ELAVL2: variants seen among roughly 807,000 people sequenced by gnomAD.
The protein encoded by ELAVL2 is ELAV like RNA binding protein 2, also known as ELAV-like protein 2.
A neutral mutation model predicts 34.6 loss-of-function variants in ELAVL2; 4 were observed. That is an observed-to-expected ratio of 0.12 (90% CI 0.06 to 0.26). ELAVL2 has a LOEUF of 0.26. Among genes scored for constraint, ELAVL2 ranks in the 10% least tolerant of loss-of-function variants. The probability of loss-of-function intolerance (pLI) is 1.00; values close to 1 mark genes in which losing one functional copy is unlikely to be tolerated. For missense variants in ELAVL2, 432 were observed against 442.8 expected, an observed-to-expected ratio of 0.98 and a Z score of 0.22; for synonymous variants, 193 against 154.8, an observed-to-expected ratio of 1.25 and a Z score of -1.83.
chr9:23,786,798 AAAAAAGAG>A (rs1436198602), intron 1 of ELAVL2, among the ~76,000 whole-genome samples: 1 of 150,038 alleles, frequency 6.7e-6, no homozygotes, highest in Non-Finnish European at 1.5e-5. Context: ...AAAAAAAAAA[AAAAAAGAG>A]AGAGAGAGAA....
chr9:23,822,753 C>G (rs1478982252), intron 1 of ELAVL2, among the ~76,000 whole-genome samples: 2 of 152,220 alleles, frequency 1.3e-5, no homozygotes, highest in Non-Finnish European at 2.9e-5. Context: ...AAAAAATCAC[C>G]TGTCATACCT....
At chr9:23,794,660 C>T (rs2060699435) in intron 1 of ELAVL2, among the ~76,000 whole-genome samples, 1 of 152,152 alleles carries the variant, frequency 6.6e-6, no homozygotes, top group African/African-American at 2.4e-5. Context: ...ATTAAAATTA[C>T]ACAAAGCTTG....
At chr9:23,764,226 AAGAGACCCGAATGGGAGATTC>A (rs1289684060) in intron 1 of ELAVL2, among the ~76,000 whole-genome samples, 1 of 152,168 alleles carries the variant, frequency 6.6e-6, no homozygotes, top group Non-Finnish European at 1.5e-5. Flanking sequence ...TAGAAACTAC[AAGAGACCCGAATGGGAGATTC>A]GGACTAAAGC....
the ELAVL2 span, among the ~76,000 whole-genome samples, chr9:23,842,001 A>G: frequency 6.6e-6 from 1 of 152,196 alleles, no homozygotes; most frequent in Non-Finnish European, 1.5e-5. Flanking sequence ...AACTTCAAAA[A>G]GTGAAATTGC....
At chr9:23,753,926 C>G (rs1400388330) in intron 2 of ELAVL2, among the ~76,000 whole-genome samples, 1 of 152,106 alleles carries the variant, frequency 6.6e-6, no homozygotes, top group African/African-American at 2.4e-5. Context: ...ATCAAACCAG[C>G]AAAGCAACAA....
chr9:23,731,226 T>C, intron 2 of ELAVL2, 101 bp from the exon 3 acceptor site: 1 of 868,622 alleles, frequency 1.2e-6, no homozygotes, highest in Non-Finnish European at 1.7e-6. Context: ...CACCAGCATA[T>C]TTCCTCAACA....
intron 2 of ELAVL2, among the ~76,000 whole-genome samples, chr9:23,756,763 C>T (rs569579428): frequency 2.6e-5 from 4 of 152,304 alleles, no homozygotes; most frequent in Non-Finnish European, 4.4e-5. Flanking sequence ...TCTTCCATAA[C>T]GCCCTAAATC....
At chr9:23,727,899 C>G (rs1182633117) in intron 3 of ELAVL2, among the ~76,000 whole-genome samples, 1 of 152,088 alleles carries the variant, frequency 6.6e-6, no homozygotes, top group African/African-American at 2.4e-5. Context: ...GCACTTGATT[C>G]ACTGTTTCAA....
At chr9:23,693,717 G>T (rs1238790752) in intron 5 of ELAVL2, among the ~76,000 whole-genome samples, 1 of 152,212 alleles carries the variant, frequency 6.6e-6, no homozygotes, top group African/African-American at 2.4e-5. Flanking sequence ...GGGACACAGT[G>T]ACGGTCATCT....
Position 23,760,683 on chromosome 9 carries a change from A to G in ELAVL2, c.229+1323T>C, listed in dbSNP as rs1264096017. Among the ~76,000 whole-genome samples, 4 of 152,106 alleles carry G rather than the reference A, an allele frequency of 2.6e-5. No individual in the cohort carries two copies. In the East Asian group the frequency reaches 7.7e-4, roughly 29 times the overall value. Reference sequence around the variant, plus strand: ...CTGATTATCAGTGTTCAGAAACATAAGAACCACCTTCCTAATATCATAGTG... The same window carrying G: ...CTGATTATCAGTGTTCAGAAACATAGGAACCACCTTCCTAATATCATAGTG... On this transcript the variant is annotated intron_variant, in intron 2 of 6. Transcript: ENST00000397312.
intron 1 of ELAVL2, among the ~76,000 whole-genome samples, chr9:23,811,872 A>T (rs1231561809): frequency 6.6e-6 from 1 of 152,154 alleles, no homozygotes; most frequent in Non-Finnish European, 1.5e-5. Context: ...CAAACTAGGA[A>T]ATAGTTACTC....
At position 23,690,124 on chromosome 9, in the gene ELAVL2, T is replaced by C. The variant is rs2032683537; in HGVS notation, c.*2433A>G. ...TGTTCTTTCCCTTCAACTTTGTTTA[T>C]TGATGTACTGAACATGAAAAAGTAC... On this transcript the variant is annotated 3_prime_UTR_variant, in exon 7 of 7. Transcript: ENST00000397312. 1 of 152,524 alleles carries C rather than the reference T, an allele frequency of 6.6e-6. No homozygotes were observed. Among genetic ancestry groups the C allele is most frequent in the African/African-American group, 2.4e-5 (1 of 41,452 alleles). The allele number at this position is 152,524 out of a possible 1,614,324, so 9.4% of individuals were successfully genotyped here.
chr9:23,728,076 T>C (rs142865241), intron 3 of ELAVL2, among the ~76,000 whole-genome samples: 3 of 152,048 alleles, frequency 2.0e-5, no homozygotes, highest in Non-Finnish European at 4.4e-5. Context: ...TTTGTTTGAG[T>C]CGCAGCTCTT....
chr9:23,791,911 T>G (rs1402025155), intron 1 of ELAVL2, among the ~76,000 whole-genome samples: 1 of 152,198 alleles, frequency 6.6e-6, no homozygotes, highest in Non-Finnish European at 1.5e-5. Flanking sequence ...CACCAATTCT[T>G]AATCTCTCAG....
chr9:23,782,969 G>A lies in ELAVL2; in HGVS notation c.-15-20720C>T, dbSNP rs182835228. Reference sequence around the variant, plus strand: ...CAGCTTCCCATCTCAGTTGCTCATTGTGCCTTCATCCCCTCTCCCATTTGA... The same window carrying A: ...CAGCTTCCCATCTCAGTTGCTCATTATGCCTTCATCCCCTCTCCCATTTGA... On this transcript the variant is annotated intron_variant, in intron 1 of 6. Transcript: ENST00000397312. Among the ~76,000 whole-genome samples, 54 of 152,098 alleles carry A rather than the reference G, an allele frequency of 3.6e-4. 1 individual carries two copies. Among genetic ancestry groups the A allele is most frequent in the African/African-American group, 1.3e-3 (53 of 41,538 alleles).
At chr9:23,749,413 T>C (rs1429228792) in intron 2 of ELAVL2, among the ~76,000 whole-genome samples, 1 of 152,168 alleles carries the variant, frequency 6.6e-6, no homozygotes, top group African/African-American at 2.4e-5. Flanking sequence ...GTAAGCCAGT[T>C]ATTTGTTAAT....
chr9:23,761,882 CAG>C (rs1198917002), intron 2 of ELAVL2, 122 bp downstream of exon 2: 7 of 1,284,844 alleles, frequency 5.4e-6, no homozygotes, highest in East Asian at 2.6e-5. Flanking sequence ...GATGTAATAA[CAG>C]AGAGAAAATC....
chr9:23,774,824 G>A (rs1300744853), intron 1 of ELAVL2, among the ~76,000 whole-genome samples: 1 of 151,968 alleles, frequency 6.6e-6, no homozygotes, highest in Non-Finnish European at 1.5e-5. Context: ...ACAATACAGA[G>A]AAAACAAGAG....
chr9:23,692,405 A>C lies in ELAVL2; in HGVS notation c.*152T>G, dbSNP rs1391695580. ...AGTTTTAATTCAAATACTAGCAATA[A>C]AAAATCTCACATATTTCTTAGGATG... On this transcript the variant is annotated 3_prime_UTR_variant, in exon 7 of 7. Coordinates refer to ENST00000397312, the MANE Select transcript of ELAVL2 (RefSeq NM_004432.5). The C allele has an allele frequency of 2.5e-6, 2 of 788,914 alleles. No homozygotes were observed. The highest frequency in any genetic ancestry group is 3.9e-6 in the Non-Finnish European group (2 of 513,434). The allele number at this position is 788,914 out of a possible 1,614,324, so 48.9% of individuals were successfully genotyped here.
Sources: allele counts gnomAD v4.1 joint callset (sites outside exome capture counted in the v4.1 genomes callset), GRCh38; gene constraint gnomAD v4.1.1; transcripts MANE v1.5; gene names NCBI Gene and HGNC (gene_info 2026-07-23, HGNC 2026-07-21).